The following ATRX variants were observed in gnomAD, a reference collection of about 807,000 sequenced individuals.
The protein encoded by ATRX is chromatin remodeler ATRX.
ATRX carries 12 observed loss-of-function variants against 172.6 expected under a neutral mutation model. The ratio of observed to expected loss-of-function variants is 0.07; its 90% CI spans 0.04 to 0.11. The LOEUF (loss-of-function observed/expected upper bound fraction) is 0.11. Among genes scored for constraint, ATRX ranks in the 10% least tolerant of loss-of-function variants. The pLI, the probability that ATRX is intolerant of heterozygous loss-of-function variation, is 1.00. For synonymous variants in ATRX, 674 were observed against 594.7 expected (o/e 1.13, Z -1.94); for missense variants, 1,368 against 1,767.4 (o/e 0.77, Z 4.05).
intron 30 of ATRX, among the ~76,000 whole-genome samples, chrX:77,528,786 G>T (rs1168601632): frequency 1.8e-5 from 2 of 112,223 alleles, no homozygotes; most frequent in Non-Finnish European, 3.8e-5. Context: ...TCTCCAGCAA[G>T]AGCACAGAAC....
intron 1 of ATRX, among the ~76,000 whole-genome samples, chrX:77,755,745 C>T (rs2075467777): frequency 1.8e-5 from 2 of 111,472 alleles, no homozygotes; most frequent in African/African-American, 6.5e-5. Context: ...CCCACGGGAG[C>T]TCTCCTGTGT....
chrX:77,573,451 AG>A (rs1416547998), intron 28 of ATRX, among the ~76,000 whole-genome samples: 13 of 111,818 alleles, frequency 1.2e-4, no homozygotes, highest in African/African-American at 3.9e-4. Context: ...TTCCAAATGT[AG>A]CTTGATTTTG....
intron 30 of ATRX, among the ~76,000 whole-genome samples, chrX:77,538,434 A>C (rs1300334603): frequency 9.0e-6 from 1 of 111,011 alleles, no homozygotes; most frequent in African/African-American, 3.3e-5. Flanking sequence ...ACAGGGACAA[A>C]CAGAATGGAA....
intron 30 of ATRX, among the ~76,000 whole-genome samples, chrX:77,540,429 A>T (rs1317083305): frequency 9.0e-6 from 1 of 111,607 alleles, no homozygotes; most frequent in Non-Finnish European, 1.9e-5. Flanking sequence ...TAACAAGGAT[A>T]TTCAGGACTT....
intron 15 of ATRX, among the ~76,000 whole-genome samples, chrX:77,640,468 A>G (rs2068600871): frequency 1.8e-5 from 2 of 110,661 alleles, no homozygotes; most frequent in South Asian, 3.8e-4. Context: ...AAAATAAAGG[A>G]AAAAAAATCA....
At chrX:77,746,668 T>A (rs1557185088) in intron 1 of ATRX, among the ~76,000 whole-genome samples, 1 of 112,386 alleles carries the variant, frequency 8.9e-6, no homozygotes, top group Non-Finnish European at 1.9e-5. Context: ...GGCTTTAACA[T>A]CAACAAAAGT....
intron 34 of ATRX, 68 bp from the exon 35 acceptor site, chrX:77,508,697 T>C (rs898332020): frequency 2.3e-5 from 26 of 1,127,494 alleles, no homozygotes; most frequent in Non-Finnish European, 3.2e-5. Flanking sequence ...AAGTTTTGAC[T>C]TAAAATCAAT....
intron 1 of ATRX, among the ~76,000 whole-genome samples, chrX:77,728,479 T>C (rs1242909083): frequency 9.0e-6 from 1 of 111,647 alleles, no homozygotes; most frequent in East Asian, 2.8e-4. Flanking sequence ...ACTTTTGAAA[T>C]AGTACACAAA....
intron 9 of ATRX, among the ~76,000 whole-genome samples, chrX:77,677,620 T>C (rs2070954350): frequency 9.1e-6 from 1 of 110,318 alleles, no homozygotes; most frequent in Admixed American, 9.7e-5. Flanking sequence ...TACAAGATAT[T>C]ACCCTTGAGG....
chrX:77,692,846 A>T (rs782716177), intron 6 of ATRX, among the ~76,000 whole-genome samples: 5 of 82,104 alleles, frequency 6.1e-5, no homozygotes, highest in African/African-American at 1.8e-4. Flanking sequence ...CCAATATTAG[A>T]GTGTGTGTGT....
At chrX:77,684,850 A>T in intron 8 of ATRX, 89 bp downstream of exon 8, 1 of 861,389 alleles carries the variant, frequency 1.2e-6, no homozygotes, top group Non-Finnish European at 1.7e-6. Context: ...CAATGACGAT[A>T]CTATGAAAGA....
chrX:77,571,050 A>C (rs782113236), intron 28 of ATRX, among the ~76,000 whole-genome samples: 1 of 112,450 alleles, frequency 8.9e-6, no homozygotes, highest in East Asian at 2.8e-4. Flanking sequence ...AATAAAAAAC[A>C]GTGATAATAG....
Position 77,681,612 on chromosome X carries a change from G to C in ATRX, c.3644C>G (p.Ser1215Cys), listed in dbSNP as rs2148568049. 1 of 1,207,291 alleles carries C rather than the reference G, an allele frequency of 8.3e-7. No individual in the cohort carries two copies. Among genetic ancestry groups the C allele is most frequent in the Non-Finnish European group, 1.1e-6 (1 of 893,979 alleles). The change falls in exon 9 of 35, where the codon TCT becomes TGT. Residue 1215 changes from serine to cysteine, a missense_variant. Transcript: ENST00000373344. ...TTCATCGCTGCTTCCCTCACCTATA[G>C]AATTCTGATCATCATCTTCTATATC... ...SSDIEDDDQN[S>C]IGEGSSDEQK...
At chrX:77,511,015 C>T (rs1230129676) in intron 34 of ATRX, among the ~76,000 whole-genome samples, 1 of 112,731 alleles carries the variant, frequency 8.9e-6, no homozygotes, top group Admixed American at 9.3e-5. Context: ...TCAGGTCTAA[C>T]CCAGTGTGGT....
intron 1 of ATRX, among the ~76,000 whole-genome samples, chrX:77,772,449 T>A (rs1289724629): frequency 7.3e-5 from 7 of 95,788 alleles, no homozygotes; most frequent in Non-Finnish European, 1.4e-4. Flanking sequence ...CTGGGAAACA[T>A]AGCGAGATCC....
rs782672265 is a variant in ATRX at position 77,652,099 on chromosome X, A to G, written c.4557+15T>C. On this transcript the variant is annotated intron_variant, in intron 15 of 34. Coordinates refer to ENST00000373344, the MANE Select transcript of ATRX (RefSeq NM_000489.6). ...GTAGCTACAAAAGAAAAAGAAGAAGAAAGAAATTAGTTACCTCTCTCAATT... is the reference window on the plus strand; with the variant it reads ...GTAGCTACAAAAGAAAAAGAAGAAGGAAGAAATTAGTTACCTCTCTCAATT... 37 of 1,206,853 alleles carry G rather than the reference A, an allele frequency of 3.1e-5. No individual in the cohort carries two copies. The highest frequency in any genetic ancestry group is 4.1e-5 in the Non-Finnish European group (37 of 893,175).
chrX:77,551,717 C>T (rs1176631869), intron 30 of ATRX, among the ~76,000 whole-genome samples: 4 of 111,919 alleles, frequency 3.6e-5, no homozygotes, highest in African/African-American at 1.3e-4. Context: ...GCAATCTACC[C>T]ATCTGACAAA....
At position 77,505,002 on chromosome X, in the gene ATRX, A is replaced by C. The variant is rs782652503; in HGVS notation, c.*3349T>G. 4 of 166,597 alleles carry C rather than the reference A, an allele frequency of 2.4e-5. No individual in the cohort carries two copies. Among genetic ancestry groups the C allele is most frequent in the Non-Finnish European group, 4.6e-5 (4 of 86,696 alleles). 13.7% of individuals were successfully genotyped at this position (166,597 alleles called of 1,213,427 possible). A position where few individuals can be genotyped will look rare whatever the true frequency, so the allele number is the denominator to read the frequency against. ...TGGCTCAGATTATAGACTTGAAAAA[A>C]AATAACGGTAGAAAAATGTTTATTC... On this transcript the variant is annotated 3_prime_UTR_variant, in exon 35 of 35. Transcript: ENST00000373344.
At chrX:77,559,761 T>C (rs782682128) in intron 28 of ATRX, among the ~76,000 whole-genome samples, 2 of 110,605 alleles carry the variant, frequency 1.8e-5, no homozygotes, top group Admixed American at 1.9e-4. Context: ...CTGGCCAGGA[T>C]TTACAATATT....
Sources: allele counts gnomAD v4.1 joint callset (sites outside exome capture counted in the v4.1 genomes callset), GRCh38; gene constraint gnomAD v4.1.1; transcripts MANE v1.5; gene names NCBI Gene and HGNC (gene_info 2026-07-23, HGNC 2026-07-21).